Variants in CLEC3A observed in about 807,000 individuals in gnomAD.
CLEC3A encodes the protein C-type lectin domain family 3 member A.
Under a neutral mutation model 20.4 loss-of-function variants are expected in CLEC3A, and 28 were observed. That is an observed-to-expected ratio of 1.37 (90% CI 1.02 to 1.88). The LOEUF is 1.88. Among genes scored for constraint, CLEC3A ranks in the 40% most tolerant of loss-of-function variants. CLEC3A has a pLI of 0.00. For missense variants in CLEC3A, 357 were observed against 240.4 expected (o/e 1.48, Z -3.21); for synonymous variants, 110 against 88.1 (o/e 1.25, Z -1.39).
chr16:78,025,906 C>A (rs772745777), intron 1 of CLEC3A, among the ~76,000 whole-genome samples: 13 of 152,188 alleles, frequency 8.5e-5, no homozygotes, highest in Admixed American at 2.0e-4. Flanking sequence ...ACAATGTTTA[C>A]AATCTCCCAG....
At chr16:78,026,800 G>C (rs538393834) in intron 1 of CLEC3A, among the ~76,000 whole-genome samples, 33 of 152,284 alleles carry the variant, frequency 2.2e-4, no homozygotes, top group Non-Finnish European at 3.5e-4. Context: ...GCCAAGATTG[G>C]TCAAGGACAG....
At chr16:78,029,772 A>G (rs1567544553) in intron 2 of CLEC3A, among the ~76,000 whole-genome samples, 1 of 152,142 alleles carries the variant, frequency 6.6e-6, no homozygotes, top group Non-Finnish European at 1.5e-5. Context: ...ATATATCAGA[A>G]CAGCATGAAG....
intron 2 of CLEC3A, 87 bp from the exon 3 acceptor site, chr16:78,030,360 A>G (rs2030055832): frequency 2.5e-6 from 3 of 1,189,744 alleles, no homozygotes; most frequent in Admixed American, 2.3e-5. Flanking sequence ...TTCATTCCAC[A>G]AATACTTATT....
In CLEC3A at chr16:78,031,708, T is replaced by C. The variant is rs2030131819; in HGVS notation, c.*867T>C. The C allele has an allele frequency of 6.6e-6, 1 of 152,238 alleles. No homozygotes were observed. The highest frequency in any genetic ancestry group is 2.4e-5 in the African/African-American group (1 of 41,472). 9.4% of individuals were successfully genotyped at this position (152,238 alleles called of 1,614,324 possible). The stretch of plus-strand genomic sequence containing the variant: ...ACATTTCCTTTTTTACATTTTCGTA[T>C]ACTTATTTTTTTTAGCCATCATTAT... On this transcript the variant is annotated 3_prime_UTR_variant, in exon 3 of 3. Coordinates refer to ENST00000299642, the MANE Select transcript of CLEC3A (RefSeq NM_005752.6).
In CLEC3A at chr16:78,030,768, C is replaced by T. The variant is rs1319194698; in HGVS notation, c.521C>T (p.Ala174Val). The change falls in exon 3 of 3, where the codon GCT (alanine) becomes GTT (valine). Residue 174 changes from alanine to valine, a missense_variant. Coordinates refer to ENST00000299642, the MANE Select transcript of CLEC3A (RefSeq NM_005752.6). ...RENCVLFSQSAQGKWSDEACR... is the reference protein window; with the variant it reads ...RENCVLFSQSVQGKWSDEACR... ...AACTGTGTCCTGTTCTCCCAATCAG[C>T]TCAGGGCAAGTGGAGTGATGAGGCC... 4 of 1,614,190 alleles carry T rather than the reference C, an allele frequency of 2.5e-6. No individual in the cohort carries two copies. Among genetic ancestry groups the T allele is most frequent in the African/African-American group, 1.3e-5 (1 of 75,050 alleles).
chr16:78,026,237 A>T (rs2029919297), intron 1 of CLEC3A, among the ~76,000 whole-genome samples: 1 of 152,186 alleles, frequency 6.6e-6, no homozygotes, highest in African/African-American at 2.4e-5. Context: ...AACCCAAATG[A>T]GGAAACATCT....
intron 2 of CLEC3A, among the ~76,000 whole-genome samples, chr16:78,028,471 C>G (rs1023659176): frequency 2.0e-5 from 3 of 152,146 alleles, no homozygotes; most frequent in Non-Finnish European, 2.9e-5. Context: ...CAGAATGAAG[C>G]CAGTATGAAA....
At chr16:78,024,046 C>A (rs1003808334) in intron 1 of CLEC3A, among the ~76,000 whole-genome samples, 1 of 152,066 alleles carries the variant, frequency 6.6e-6, no homozygotes, top group South Asian at 2.1e-4. Flanking sequence ...CGTGAGCCAC[C>A]GCGCCCGGCT....
At chr16:78,030,394 G>A in intron 2 of CLEC3A, 53 bp from the exon 3 acceptor site, 1 of 1,501,546 alleles carries the variant, frequency 6.7e-7, no homozygotes, top group Admixed American at 2.0e-5. Context: ...TCCAGCCCTA[G>A]TCATAATACA....
rs775408538 is a variant in CLEC3A at position 78,030,441 on chromosome 16, TCA to T, written c.200-3_200-2del. 4 of 1,588,956 alleles carry T rather than the reference TCA, an allele frequency of 2.5e-6. No individual in the cohort carries two copies. The highest frequency in any genetic ancestry group is 3.4e-6 in the Non-Finnish European group (4 of 1,166,410). ...TCTTAATATGTTACACTTCACATCT[TCA>T]CAGTCTGTCTCCGAGGCACTAAAGT... is the stretch of plus-strand genomic sequence containing the variant. On this transcript the variant is annotated splice_region_variant and splice_polypyrimidine_tract_variant and intron_variant, in intron 2 of 2. Coordinates refer to ENST00000299642, the MANE Select transcript of CLEC3A (RefSeq NM_005752.6).
chr16:78,030,543 G>A lies in CLEC3A; in HGVS notation c.296G>A (p.Gly99Glu). Residue 99 changes from glycine to glutamate, a missense_variant, in exon 3 of 3, where the codon GGA becomes GAA. Coordinates refer to ENST00000299642, the MANE Select transcript of CLEC3A (RefSeq NM_005752.6). Reference protein sequence around the residue: ...HEANEDCISKGGILVIPRNSD... With the variant: ...HEANEDCISKEGILVIPRNSD... ...GCCAATGAAGACTGCATTTCCAAAG[G>A]AGGAATCCTGGTTATCCCCAGGAAC... The A allele has an allele frequency of 1.2e-6, 2 of 1,614,024 alleles. No individual in the cohort carries two copies. The highest frequency in any genetic ancestry group is 8.5e-7 in the Non-Finnish European group (1 of 1,180,014).
In CLEC3A at chr16:78,030,838, A is replaced by G. The variant is rs779029286; in HGVS notation, c.591A>G (p.Gln197=). ...KRYICEFTIP[Q] is the part of the protein sequence containing the mutation. Reference sequence around the variant, plus strand: ...ACATATGCGAGTTCACCATCCCTCAATAGGTCTTTCTCCAATGTGTCCTCC... The same window carrying G: ...ACATATGCGAGTTCACCATCCCTCAGTAGGTCTTTCTCCAATGTGTCCTCC... Residue 197 remains glutamine, a synonymous_variant, in exon 3 of 3, where the codon CAA becomes CAG. Coordinates refer to ENST00000299642, the MANE Select transcript of CLEC3A (RefSeq NM_005752.6). 3.7e-6 allele frequency: 6 copies of G among 1,608,082 alleles called. No individual in the cohort carries two copies. The East Asian group carries it at 8.9e-5, about 24-fold the overall frequency.
rs777343404 is a variant in CLEC3A at position 78,028,105 on chromosome 16, A to C, written c.116-2A>C. 1 of 1,605,824 alleles carries C rather than the reference A, an allele frequency of 6.2e-7. No homozygotes were observed. Among genetic ancestry groups the C allele is most frequent in the South Asian group, 1.1e-5 (1 of 89,254 alleles). On this transcript the variant is annotated splice_acceptor_variant, in intron 1 of 2. Coordinates refer to ENST00000299642, the MANE Select transcript of CLEC3A (RefSeq NM_005752.6). LOFTEE classifies it high-confidence loss of function. ...CCCATCCCACCCTAAAATTTTCCCC[A>C]GACAAGGATGGAGATCTGAAGACTC...
rs767024735 is a variant in CLEC3A at position 78,030,921 on chromosome 16, A to G, written c.*80A>G. 5.6e-6 allele frequency: 8 copies of G among 1,426,178 alleles called. No individual in the cohort carries two copies. The highest frequency in any genetic ancestry group is 4.3e-5 in the African/African-American group (3 of 69,886). The allele number at this position is 1,426,178 out of a possible 1,614,324, so 88.3% of individuals were successfully genotyped here. A position where few individuals can be genotyped will look rare whatever the true frequency, so the allele number is the denominator to read the frequency against. On this transcript the variant is annotated 3_prime_UTR_variant, in exon 3 of 3. Transcript: ENST00000299642. ...ATCTCTAAGATCAAGTAAAAATCAT[A>G]ATTTTTACTTATTAAAAAATTGCAA... is the stretch of plus-strand genomic sequence containing the variant.
rs148719142 is a variant in CLEC3A at position 78,027,807 on chromosome 16, C to T, written c.116-300C>T. On this transcript the variant is annotated intron_variant, in intron 1 of 2. Transcript: ENST00000299642. ...AATAGCTGGAATTACAGGCATTCAA[C>T]ACCATGCCCAGCTAATTTTTATACT... Among the ~76,000 whole-genome samples the T allele has an allele frequency of 5.1e-3, 777 of 152,304 alleles. 5 individuals are homozygous for T. Among genetic ancestry groups the T allele is most frequent in the African/African-American group, 0.017 (727 of 41,560 alleles).
At chr16:78,025,729 G>A (rs183683638) in intron 1 of CLEC3A, among the ~76,000 whole-genome samples, 98 of 152,272 alleles carry the variant, frequency 6.4e-4, no homozygotes, top group African/African-American at 2.3e-3. Flanking sequence ...AATAAAATAT[G>A]ACTTTTCCAG....
rs201934494 is a variant in CLEC3A at position 78,030,690 on chromosome 16, C to T, written c.443C>T (p.Ala148Val). ...AAGTTTGTTGACGTCAACGGAATCGCTATCTCCTTCCTCAACTGGGACCGT... is the reference window on the plus strand; with the variant it reads ...AAGTTTGTTGACGTCAACGGAATCGTTATCTCCTTCCTCAACTGGGACCGT... ...EGKFVDVNGI[A>V]ISFLNWDRAQ... Residue 148 changes from alanine (A) to valine (V), a missense_variant, in exon 3 of 3, where the codon GCT becomes GTT. Ala to Val is a moderately conservative substitution (Grantham distance 64). Coordinates refer to ENST00000299642, the MANE Select transcript of CLEC3A (RefSeq NM_005752.6). 2 of 1,614,136 alleles carry T rather than the reference C, an allele frequency of 1.2e-6. No individual in the cohort carries two copies. Among genetic ancestry groups the T allele is most frequent in the East Asian group, 2.2e-5 (1 of 44,874 alleles).
intron 1 of CLEC3A, among the ~76,000 whole-genome samples, chr16:78,025,465 T>C (rs1352110693): frequency 1.3e-5 from 2 of 152,238 alleles, no homozygotes; most frequent in Non-Finnish European, 2.9e-5. Context: ...CACCAATCCA[T>C]CTTCCCATCT....
chr16:78,022,827 G>A, intron 1 of CLEC3A, 86 bp downstream of exon 1: 3 of 1,424,024 alleles, frequency 2.1e-6, no homozygotes, highest in Non-Finnish European at 2.9e-6. Context: ...AACTCCTCCA[G>A]GAGACTATCT....
Sources: allele counts gnomAD v4.1 joint callset (sites outside exome capture counted in the v4.1 genomes callset), GRCh38; gene constraint gnomAD v4.1.1; transcripts MANE v1.5; gene names NCBI Gene and HGNC (gene_info 2026-07-23, HGNC 2026-07-21).